The following ICOS variants were observed in gnomAD, a reference collection of about 807,000 sequenced individuals.
The protein encoded by ICOS is inducible T-cell costimulator.
ICOS carries 15 observed loss-of-function variants against 24.6 expected under a neutral mutation model. The observed-to-expected ratio is 0.61, with a 90% confidence interval of 0.41 to 0.94. The LOEUF (loss-of-function observed/expected upper bound fraction) is 0.94, where lower values mean the gene tolerates loss of function less well. Ranked by LOEUF, ICOS falls within the 40% of genes least tolerant of loss-of-function variation. The pLI is 0.00. For missense variants in ICOS, 200 were observed against 233.0 expected, an observed-to-expected ratio of 0.86 and a Z score of 0.92; for synonymous variants, 89 against 77.5, an observed-to-expected ratio of 1.15 and a Z score of -0.78.
intron 1 of ICOS, among the ~76,000 whole-genome samples, chr2:203,937,804 A>G (rs1689685522): frequency 6.6e-6 from 1 of 152,208 alleles, no homozygotes; most frequent in South Asian, 2.1e-4. Flanking sequence ...CAAATTGATC[A>G]AATGTTTCAT....
At chr2:203,937,962 T>C (rs73055980) in intron 1 of ICOS, among the ~76,000 whole-genome samples, 1,993 of 152,284 alleles carry the variant, frequency 0.013, 44 homozygotes, top group African/African-American at 0.045. Flanking sequence ...ATGAGCAGCT[T>C]TGGAATTTAT....
chr2:203,941,988 T>C (rs1025676134), intron 1 of ICOS, among the ~76,000 whole-genome samples: 2 of 152,078 alleles, frequency 1.3e-5, no homozygotes, highest in Admixed American at 1.3e-4. Flanking sequence ...CTACTTTGCT[T>C]GAGGAAAAAA....
intron 1 of ICOS, among the ~76,000 whole-genome samples, chr2:203,950,265 C>T (rs1253823580): frequency 6.6e-6 from 1 of 152,200 alleles, no homozygotes; most frequent in Non-Finnish European, 1.5e-5. Context: ...GGTGGGGACA[C>T]TCATCAGAGG....
Position 203,956,785 on chromosome 2 carries a change from C to G in ICOS, c.501+20C>G, listed in dbSNP as rs1459347592. The G allele has an allele frequency of 6.9e-7, 1 of 1,447,978 alleles. No individual in the cohort carries two copies. Among genetic ancestry groups the G allele is most frequent in the Non-Finnish European group, 9.7e-7 (1 of 1,028,980 alleles). 89.7% of individuals were successfully genotyped at this position (1,447,978 alleles called of 1,614,324 possible). On this transcript the variant is annotated intron_variant, in intron 3 of 4. Coordinates refer to ENST00000316386, the MANE Select transcript of ICOS (RefSeq NM_012092.4). ...AAAAAGGTAAGCGATTTCTATCTTTCCTTGTATCTGCTTTACAGATGCACA... is the reference window on the plus strand; with the variant it reads ...AAAAAGGTAAGCGATTTCTATCTTTGCTTGTATCTGCTTTACAGATGCACA...
intron 3 of ICOS, among the ~76,000 whole-genome samples, chr2:203,957,325 T>C (rs961940587): frequency 6.6e-6 from 1 of 152,140 alleles, no homozygotes; most frequent in African/African-American, 2.4e-5. Flanking sequence ...TGAGGAGCTA[T>C]TTAGAAAGAT....
chr2:203,954,532 C>T (rs981556126), intron 1 of ICOS, among the ~76,000 whole-genome samples: 2 of 151,960 alleles, frequency 1.3e-5, no homozygotes, highest in Admixed American at 6.6e-5. Context: ...GAGGCTACAA[C>T]GAGCTAGGAT....
chr2:203,958,157 T>C (rs1031102664), intron 4 of ICOS, among the ~76,000 whole-genome samples: 6 of 152,202 alleles, frequency 3.9e-5, no homozygotes, highest in Admixed American at 3.3e-4. Flanking sequence ...AATTTTCCCA[T>C]TGATGTTTCA....
Position 203,957,847 on chromosome 2 carries a change from A to C in ICOS, c.550A>C (p.Arg184=). ...CCCTAACGGTGAATACATGTTCATG[A>C]GAGCAGTGAACACAGCCAAAAAATC... ...HDPNGEYMFM[R]AVNTAKKSRL... Residue 184 remains arginine (R), a synonymous_variant, in exon 4 of 5, where the codon AGA becomes CGA. Coordinates refer to ENST00000316386, the MANE Select transcript of ICOS (RefSeq NM_012092.4). The C allele has an allele frequency of 6.2e-7, 1 of 1,613,252 alleles. No homozygotes were observed. The highest frequency in any genetic ancestry group is 8.5e-7 in the Non-Finnish European group (1 of 1,179,236).
chr2:203,942,524 T>C (rs1689796341), intron 1 of ICOS, among the ~76,000 whole-genome samples: 1 of 152,202 alleles, frequency 6.6e-6, no homozygotes, highest in Admixed American at 6.5e-5. Flanking sequence ...GAGTGTGTTA[T>C]GTACAATGTA....
chr2:203,947,967 C>T (rs1353758183), intron 1 of ICOS, among the ~76,000 whole-genome samples: 3 of 152,182 alleles, frequency 2.0e-5, no homozygotes, highest in East Asian at 1.9e-4. Context: ...GGTTCTTGTC[C>T]TGGTCATATA....
At chr2:203,956,031 T>A in intron 2 of ICOS, 60 bp downstream of exon 2, 1 of 1,176,762 alleles carries the variant, frequency 8.5e-7, no homozygotes, top group Admixed American at 1.9e-5. Flanking sequence ...ACAACTTTTC[T>A]CACTAATAAA....
At chr2:203,957,931 T>A in intron 4 of ICOS, 48 bp downstream of exon 4, 2 of 1,153,550 alleles carry the variant, frequency 1.7e-6, no homozygotes, top group Non-Finnish European at 2.6e-6. Flanking sequence ...TTCTTCACAG[T>A]AAGCCTGGAA....
intron 1 of ICOS, among the ~76,000 whole-genome samples, chr2:203,954,346 G>C (rs1321550965): frequency 6.6e-6 from 1 of 152,198 alleles, no homozygotes; most frequent in East Asian, 1.9e-4. Flanking sequence ...AGCACTTTAA[G>C]AGGCTGAGGC....
chr2:203,943,325 A>T (rs1329646246), intron 1 of ICOS, among the ~76,000 whole-genome samples: 4 of 149,506 alleles, frequency 2.7e-5, no homozygotes, highest in Non-Finnish European at 5.9e-5. Flanking sequence ...TGTTCTTCAG[A>T]TTTTTTTTTT....
intron 2 of ICOS, 32 bp downstream of exon 2, chr2:203,956,003 G>C (rs942683411): frequency 1.4e-6 from 2 of 1,476,114 alleles, no homozygotes; most frequent in African/African-American, 1.4e-5. Flanking sequence ...CCAAACTTAA[G>C]AGTATATATA....
intron 1 of ICOS, among the ~76,000 whole-genome samples, chr2:203,952,340 T>C (rs1459644553): frequency 2.0e-5 from 3 of 152,252 alleles, no homozygotes. Context: ...CTAGACAATG[T>C]GCTCTATATT....
intron 2 of ICOS, 40 bp from the exon 3 acceptor site, chr2:203,956,619 A>G (rs1235138314): frequency 7.4e-7 from 1 of 1,359,580 alleles, no homozygotes; most frequent in South Asian, 1.2e-5. Flanking sequence ...CTTGTGGTTC[A>G]GCAGAATTTT....
rs1690138101 is a variant in ICOS at position 203,959,637 on chromosome 2, C to T, written c.*38C>T. 6.2e-7 allele frequency: 1 copy of T among 1,602,142 alleles called. No homozygotes were observed. The highest frequency in any genetic ancestry group is 8.6e-7 in the Non-Finnish European group (1 of 1,169,428). On this transcript the variant is annotated 3_prime_UTR_variant, in exon 5 of 5. Transcript: ENST00000316386. ...GCACCCAGGCATGAAGCACGTTGGC[C>T]AGTTTTCCTCAACTTGAAGTGCAAG...
chr2:203,943,330 T>C (rs1689810656), intron 1 of ICOS, among the ~76,000 whole-genome samples: 1 of 151,764 alleles, frequency 6.6e-6, no homozygotes, highest in Non-Finnish European at 1.5e-5. Context: ...TTCAGATTTT[T>C]TTTTTGTCCC....
Sources: allele counts gnomAD v4.1 joint callset (sites outside exome capture counted in the v4.1 genomes callset), GRCh38; gene constraint gnomAD v4.1.1; transcripts MANE v1.5; gene names NCBI Gene and HGNC (gene_info 2026-07-23, HGNC 2026-07-21).